Variants in INPP5B observed in about 807,000 individuals in gnomAD.
INPP5B encodes inositol polyphosphate-5-phosphatase B.
In INPP5B, 90 loss-of-function variants were observed where a neutral mutation model predicts 118.5. The ratio of observed to expected loss-of-function variants is 0.76; its 90% CI spans 0.64 to 0.90. The LOEUF (loss-of-function observed/expected upper bound fraction) is 0.90, where lower values mean the gene tolerates loss of function less well. Among genes scored for constraint, INPP5B ranks in the 40% least tolerant of loss-of-function variants. The pLI is 0.00. For missense variants in INPP5B, 984 were observed against 1,125.6 expected (o/e 0.87, Z 1.80); for synonymous variants, 385 against 418.9 (o/e 0.92, Z 0.99).
At chr1:37,918,110 GAGTT>G (rs1193288563) in intron 7 of INPP5B, among the ~76,000 whole-genome samples, 2 of 152,240 alleles carry the variant, frequency 1.3e-5, no homozygotes, top group East Asian at 3.9e-4. Flanking sequence ...CCCCCAGAGA[GAGTT>G]AGTCATCCAT....
intron 19 of INPP5B, chr1:37,870,563 G>T (rs1483809809): frequency 6.6e-6 from 1 of 152,242 alleles, no homozygotes; most frequent in Admixed American, 6.5e-5. Context: ...TGATGAATGG[G>T]ATTAGTGGCC....
intron 7 of INPP5B, among the ~76,000 whole-genome samples, chr1:37,918,450 T>C (rs959580906): frequency 1.3e-5 from 2 of 152,204 alleles, no homozygotes; most frequent in East Asian, 3.8e-4. Context: ...CTCCTACTTT[T>C]TGGCCACCTC....
chr1:37,900,098 G>A (rs1644275471), intron 7 of INPP5B, among the ~76,000 whole-genome samples: 1 of 115,596 alleles, frequency 8.7e-6, no homozygotes. Context: ...TTTTTTTTGA[G>A]ACAGCGTCTC....
At chr1:37,929,695 T>C (rs1645374804) in intron 7 of INPP5B, 1 of 152,060 alleles carries the variant, frequency 6.6e-6, no homozygotes, top group South Asian at 2.1e-4. Flanking sequence ...ACTTAGCAAT[T>C]AATAGTGTCA....
chr1:37,873,243 G>A (rs541228041), intron 18 of INPP5B, 78 bp from the exon 19 acceptor site: 127 of 1,008,862 alleles, frequency 1.3e-4, no homozygotes, highest in Non-Finnish European at 1.9e-4. Flanking sequence ...AGGGAAGAGG[G>A]TAAGGCATAA....
At chr1:37,880,281 T>A in intron 14 of INPP5B, 87 bp from the exon 15 acceptor site, 1 of 992,358 alleles carries the variant, frequency 1.0e-6, no homozygotes, top group South Asian at 1.4e-5. Flanking sequence ...AATCTGGAAT[T>A]CAAACTCTAA....
chr1:37,913,554 T>C (rs1644771488), intron 7 of INPP5B, among the ~76,000 whole-genome samples: 1 of 152,062 alleles, frequency 6.6e-6, no homozygotes, highest in Non-Finnish European at 1.5e-5. Flanking sequence ...TCACCAATCA[T>C]TCTATATGAC....
intron 6 of INPP5B, among the ~76,000 whole-genome samples, chr1:37,934,874 C>T (rs901281419): frequency 5.3e-5 from 8 of 151,032 alleles, no homozygotes; most frequent in Admixed American, 1.3e-4. Context: ...TAAGTGCCTG[C>T]TATCTGACAG....
intron 9 of INPP5B, 47 bp downstream of exon 9, chr1:37,889,510 C>A (rs755990270): frequency 6.7e-6 from 10 of 1,493,804 alleles, no homozygotes; most frequent in Non-Finnish European, 7.3e-6. Context: ...TCCAGAGTGC[C>A]AAATGATCAT....
intron 6 of INPP5B, among the ~76,000 whole-genome samples, chr1:37,932,365 T>C (rs1187584935): frequency 1.8e-4 from 3 of 16,474 alleles, no homozygotes; most frequent in Admixed American, 1.3e-3. Flanking sequence ...TTTCTTTTCT[T>C]TTTTTTTTTT....
At chr1:37,876,691 C>T (rs1321807757) in intron 16 of INPP5B, among the ~76,000 whole-genome samples, 1 of 103,456 alleles carries the variant, frequency 9.7e-6, no homozygotes, top group African/African-American at 3.2e-5. Context: ...AACCCCGTCT[C>T]TACTAAAAAT....
chr1:37,937,681 C>T (rs541687562), intron 6 of INPP5B, among the ~76,000 whole-genome samples: 35 of 152,018 alleles, frequency 2.3e-4, no homozygotes, highest in African/African-American at 6.5e-4. Flanking sequence ...GCAGGAGAAT[C>T]GCTTGAACCC....
chr1:37,911,839 T>A (rs1211774047), intron 7 of INPP5B, among the ~76,000 whole-genome samples: 1 of 152,144 alleles, frequency 6.6e-6, no homozygotes, highest in East Asian at 1.9e-4. Context: ...TCAAAAGGCA[T>A]CAGATCCCAC....
chr1:37,902,015 C>A (rs973222217), intron 7 of INPP5B, among the ~76,000 whole-genome samples: 23 of 150,542 alleles, frequency 1.5e-4, no homozygotes, highest in African/African-American at 5.6e-4. Context: ...GAGGCAGAGT[C>A]TTACTCTGTT....
At chr1:37,941,103 C>T (rs984806434) in intron 5 of INPP5B, among the ~76,000 whole-genome samples, 5 of 152,010 alleles carry the variant, frequency 3.3e-5, no homozygotes, top group Admixed American at 2.0e-4. Flanking sequence ...GTTCCCCTCC[C>T]GATGAAATGA....
chr1:37,889,015 G>T (rs1355830747), intron 9 of INPP5B, among the ~76,000 whole-genome samples: 1 of 152,198 alleles, frequency 6.6e-6, no homozygotes, highest in African/African-American at 2.4e-5. Context: ...CAATTTGGGA[G>T]GCCAAGGCGG....
At chr1:37,931,875 C>T (rs1408156871) in intron 7 of INPP5B, 38 bp downstream of exon 7, 9 of 1,613,626 alleles carry the variant, frequency 5.6e-6, no homozygotes, top group African/African-American at 1.3e-5. Flanking sequence ...GCCGGGCCTC[C>T]TCCAATCCCC....
chr1:37,924,998 AC>A (rs1249887559), intron 7 of INPP5B, among the ~76,000 whole-genome samples: 1 of 152,098 alleles, frequency 6.6e-6, no homozygotes, highest in Non-Finnish European at 1.5e-5. Context: ...ACATGTTGAA[AC>A]CCCGTCTTTA....
At position 37,882,873 on chromosome 1, in the gene INPP5B, C is replaced by T. The variant is rs373963229; in HGVS notation, c.1365G>A (p.Leu455=). The T allele has an allele frequency of 6.2e-6, 10 of 1,613,924 alleles. No individual in the cohort carries two copies. The African/African-American group carries it at 1.2e-4, about 19-fold the overall frequency. The change falls in exon 14 of 24, where the codon CTG becomes CTA. Residue 455 remains leucine (L), a synonymous_variant. Transcript: ENST00000373024. Reference sequence around the variant, plus strand: ...TGAGCTTTTTCACTTTTTCCACATCCAGCTCTTCTATCCTGTAGTTGAGGT... The same window carrying T: ...TGAGCTTTTTCACTTTTTCCACATCTAGCTCTTCTATCCTGTAGTTGAGGT... The part of the protein sequence containing the change: ...LGDLNYRIEE[L]DVEKVKKLIE...
Sources: gnomAD v4.1 joint callset for allele counts (sites outside exome capture counted in the v4.1 genomes callset) on GRCh38, gnomAD v4.1.1 for gene constraint, MANE v1.5 for transcripts, NCBI Gene and HGNC (gene_info 2026-07-23, HGNC 2026-07-21) for gene names.